Variants in LCP2 observed in about 807,000 individuals in gnomAD.
LCP2 encodes the protein 76 kDa tyrosine phosphoprotein.
A neutral mutation model predicts 74.5 loss-of-function variants in LCP2; 29 were observed. That is an observed-to-expected ratio of 0.39 (90% CI 0.29 to 0.53). The LOEUF is 0.53. Ranked by LOEUF, LCP2 falls within the 20% of genes least tolerant of loss-of-function variation. The pLI, the probability that LCP2 is intolerant of heterozygous loss-of-function variation, is 0.72. For missense variants in LCP2, 604 were observed against 634.6 expected (o/e 0.95, Z 0.52); for synonymous variants, 228 against 229.5 (o/e 0.99, Z 0.06).
intron 20 of LCP2, 26 bp downstream of exon 20, chr5:170,250,704 A>G (rs746072678): frequency 1.9e-6 from 3 of 1,602,828 alleles, no homozygotes; most frequent in Non-Finnish European, 2.6e-6. Context: ...AGACTTTGGG[A>G]AAATGTCGAA....
rs1458764738 is a variant in LCP2 at position 170,246,668 on chromosome 5, G to A, written c.*2029C>T. The A allele has an allele frequency of 1.3e-5, 2 of 152,670 alleles. No individual in the cohort carries two copies. Among genetic ancestry groups the A allele is most frequent in the Non-Finnish European group, 2.9e-5 (2 of 68,410 alleles). The allele number at this position is 152,670 out of a possible 1,614,324, so 9.5% of individuals were successfully genotyped here. A position where few individuals can be genotyped will look rare whatever the true frequency, so the allele number is the denominator to read the frequency against. On this transcript the variant is annotated 3_prime_UTR_variant, in exon 21 of 21. Coordinates refer to ENST00000046794, the MANE Select transcript of LCP2 (RefSeq NM_005565.5). ...TACAGCATTGCCTTTGGGGACCCCA[G>A]ATAAAAGAGAGATCTTGTCTCAGGC...
chr5:170,266,887 A>G lies in LCP2; in HGVS notation c.693T>C (p.Pro231=). ...TCGTGCTTCTGTCTATTGAAGGAGC[A>G]GGGACTGGAAGGGGAAAAGGCTGAC... is the stretch of plus-strand genomic sequence containing the variant. ...RSRNHKTAKL[P]APSIDRSTKP... Residue 231 remains proline (P), a synonymous_variant, in exon 10 of 21, where the codon CCT becomes CCC. Transcript: ENST00000046794. 6.2e-7 allele frequency: 1 copy of G among 1,613,416 alleles called. No homozygotes were observed. Among genetic ancestry groups the G allele is most frequent in the Non-Finnish European group, 8.5e-7 (1 of 1,179,566 alleles).
intron 1 of LCP2, among the ~76,000 whole-genome samples, chr5:170,297,255 C>T (rs1012776537): frequency 6.6e-6 from 1 of 152,126 alleles, no homozygotes. Context: ...TAGTAGGGAG[C>T]GCTAAATGGG....
chr5:170,293,203 G>T, intron 2 of LCP2, 107 bp downstream of exon 2: 3 of 1,088,562 alleles, frequency 2.8e-6, no homozygotes, highest in South Asian at 1.4e-5. Context: ...AAAAGCAAAG[G>T]GATCCTCGGG....
At chr5:170,259,098 G>A (rs943477703) in intron 14 of LCP2, among the ~76,000 whole-genome samples, 3 of 152,114 alleles carry the variant, frequency 2.0e-5, no homozygotes, top group African/African-American at 7.2e-5. Flanking sequence ...TCCAGTATGA[G>A]ACTCTCCTCA....
intron 9 of LCP2, 45 bp downstream of exon 9, chr5:170,266,964 G>A: frequency 1.2e-6 from 2 of 1,611,508 alleles, no homozygotes; most frequent in Non-Finnish European, 1.7e-6. Flanking sequence ...GGCTAGGGGA[G>A]TGCCTGGTGG....
intron 3 of LCP2, among the ~76,000 whole-genome samples, chr5:170,280,782 T>C (rs902491222): frequency 4.6e-5 from 7 of 151,780 alleles, no homozygotes; most frequent in Admixed American, 3.3e-4. Flanking sequence ...CTGAGGCAGG[T>C]GGTTCACTTG....
At chr5:170,296,140 C>G (rs186937536) in intron 1 of LCP2, among the ~76,000 whole-genome samples, 1 of 152,180 alleles carries the variant, frequency 6.6e-6, no homozygotes, top group Non-Finnish European at 1.5e-5. Flanking sequence ...TTTATTCCCT[C>G]TTGGCAAATT....
chr5:170,281,791 G>A lies in LCP2; in HGVS notation c.189-5931C>T, dbSNP rs544908941. ...GTTTTCCCAGCCTAATTGCACCATTGGTAATGGCTACAGGGATAACCAGCA... is the reference window on the plus strand; with the variant it reads ...GTTTTCCCAGCCTAATTGCACCATTAGTAATGGCTACAGGGATAACCAGCA... On this transcript the variant is annotated intron_variant, in intron 3 of 20. Coordinates refer to ENST00000046794, the MANE Select transcript of LCP2 (RefSeq NM_005565.5). Among the ~76,000 whole-genome samples, 28 of 152,242 alleles carry A rather than the reference G, an allele frequency of 1.8e-4. No homozygotes were observed. In the South Asian group the frequency reaches 5.6e-3, roughly 30 times the overall value.
intron 1 of LCP2, 126 bp from the exon 2 acceptor site, chr5:170,293,498 T>C: frequency 2.3e-6 from 2 of 855,440 alleles, no homozygotes; most frequent in Non-Finnish European, 3.8e-6. Context: ...CCCACTGCCC[T>C]CCCTTGGCTA....
chr5:170,289,989 A>G (rs1295234767), intron 2 of LCP2, among the ~76,000 whole-genome samples: 2 of 152,012 alleles, frequency 1.3e-5, no homozygotes, highest in South Asian at 4.1e-4. Flanking sequence ...GGTGGACATG[A>G]GCCTGGCTGG....
chr5:170,278,780 G>C (rs1178609289), intron 3 of LCP2, among the ~76,000 whole-genome samples: 1 of 152,132 alleles, frequency 6.6e-6, no homozygotes, highest in Non-Finnish European at 1.5e-5. Context: ...GGGTGAGGAA[G>C]GAAATGTCAA....
At chr5:170,291,498 A>G (rs1217425603) in intron 2 of LCP2, among the ~76,000 whole-genome samples, 1 of 152,172 alleles carries the variant, frequency 6.6e-6, no homozygotes, top group Non-Finnish European at 1.5e-5. Flanking sequence ...TCCTCTTCAT[A>G]CAATGAACAG....
intron 3 of LCP2, among the ~76,000 whole-genome samples, chr5:170,287,319 T>C (rs75435049): frequency 0.016 from 2,470 of 152,312 alleles, 75 homozygotes; most frequent in African/African-American, 0.056. Flanking sequence ...GGGCTTTGTG[T>C]TTTCAACCTG....
At chr5:170,258,745 A>G in intron 15 of LCP2, 121 bp downstream of exon 15, 1 of 640,948 alleles carries the variant, frequency 1.6e-6, no homozygotes, top group East Asian at 2.8e-5. Context: ...TCTACTTAAT[A>G]CTAATTTAAG....
At chr5:170,287,707 G>C in intron 3 of LCP2, 1 of 529,148 alleles carries the variant, frequency 1.9e-6, no homozygotes, top group South Asian at 2.2e-5. Flanking sequence ...CCCATGAGAA[G>C]AGAGGAAATG....
In LCP2 at chr5:170,247,202, C is replaced by G. The variant is rs1002371151; in HGVS notation, c.*1495G>C. The G allele has an allele frequency of 6.6e-6, 1 of 152,086 alleles. No individual in the cohort carries two copies. Among genetic ancestry groups the G allele is most frequent in the Non-Finnish European group, 1.5e-5 (1 of 68,032 alleles). The allele number at this position is 152,086 out of a possible 1,614,324, so 9.4% of individuals were successfully genotyped here. On this transcript the variant is annotated 3_prime_UTR_variant, in exon 21 of 21. Coordinates refer to ENST00000046794, the MANE Select transcript of LCP2 (RefSeq NM_005565.5). ...CTAAGTAAATACTTGCTGAATAGCC[C>G]GTTGTGTAGACGTGTAAATGAATGC...
Position 170,253,201 on chromosome 5 carries a change from CTG to C in LCP2, c.1161_1162del (p.Asn387LysfsTer33). On this transcript the variant is annotated frameshift_variant, in exon 18 of 21. Transcript: ENST00000046794. LOFTEE classifies it high-confidence loss of function. ...TCTGCCTTCGGCTCTGATAGGTGGT[CTG>C]TTGCTAGGGCCTTCAAAAGTATAGA... 6.2e-7 allele frequency: 1 copy of C among 1,606,098 alleles called. No homozygotes were observed. Among genetic ancestry groups the C allele is most frequent in the Non-Finnish European group, 8.5e-7 (1 of 1,175,528 alleles).
intron 10 of LCP2, among the ~76,000 whole-genome samples, chr5:170,265,745 A>G (rs1761742748): frequency 6.6e-6 from 1 of 152,230 alleles, no homozygotes; most frequent in Non-Finnish European, 1.5e-5. Context: ...CATTTTGTTG[A>G]CAGACAAAAA....
Sources: allele counts gnomAD v4.1 joint callset (sites outside exome capture counted in the v4.1 genomes callset), GRCh38; gene constraint gnomAD v4.1.1; transcripts MANE v1.5; gene names NCBI Gene and HGNC (gene_info 2026-07-23, HGNC 2026-07-21).